Variants in CFAP61 observed in about 807,000 individuals in gnomAD.
CFAP61 encodes cilia and flagella associated protein 61, also known as cilia- and flagella-associated protein 61.
In CFAP61, 107 loss-of-function variants were observed where a neutral mutation model predicts 135.6. The ratio of observed to expected loss-of-function variants is 0.79; its 90% confidence interval spans 0.67 to 0.93. The LOEUF (loss-of-function observed/expected upper bound fraction) is 0.93. Among genes scored for constraint, CFAP61 ranks in the 40% least tolerant of loss-of-function variants. The pLI is 0.00. For missense variants in CFAP61, 1,507 were observed against 1,556.2 expected, an observed-to-expected ratio of 0.97 and a Z score of 0.53; for synonymous variants, 575 against 578.5, an observed-to-expected ratio of 0.99 and a Z score of 0.09.
At chr20:20,229,923 T>C (rs2049005723) in intron 18 of CFAP61, among the ~76,000 whole-genome samples, 1 of 152,232 alleles carries the variant, frequency 6.6e-6, no homozygotes, top group Non-Finnish European at 1.5e-5. Context: ...AGTGCTTTAC[T>C]TGTTCTGATG....
chr20:20,186,096 G>A (rs911611836), intron 13 of CFAP61, among the ~76,000 whole-genome samples: 1 of 152,178 alleles, frequency 6.6e-6, no homozygotes, highest in African/African-American at 2.4e-5. Flanking sequence ...TTACAGCATT[G>A]TGCAGTTACC....
chr20:20,156,950 G>A (rs1006298340), intron 9 of CFAP61, among the ~76,000 whole-genome samples: 3 of 152,150 alleles, frequency 2.0e-5, no homozygotes, highest in African/African-American at 7.2e-5. Context: ...TTTTCAGCAG[G>A]AATTTTTATA....
chr20:20,121,934 CT>C lies in CFAP61; in HGVS notation c.860-20911del, dbSNP rs545176887. Among the ~76,000 whole-genome samples, 425 of 141,802 alleles carry C rather than the reference CT, an allele frequency of 3.0e-3. 3 individuals are homozygous for C. The highest frequency in any genetic ancestry group is 0.023 in the South Asian group (103 of 4,404). The allele number at this position is 141,802 out of a possible 152,430, so 93.0% of individuals were successfully genotyped here. A position where few individuals can be genotyped will look rare whatever the true frequency, so the allele number is the denominator to read the frequency against. On this transcript the variant is annotated intron_variant, in intron 8 of 26. Transcript: ENST00000245957. ...GGTAGCATGTTTGAATTCATTGCTT[CT>C]TTTTTTTTTTTAACTTTTTAAAAAT...
intron 21 of CFAP61, among the ~76,000 whole-genome samples, chr20:20,269,162 C>T (rs75788623): frequency 5.0e-4 from 48 of 96,770 alleles, no homozygotes; most frequent in Middle Eastern, 6.2e-3. Flanking sequence ...CACACACACA[C>T]ACATACATAT....
intron 9 of CFAP61, among the ~76,000 whole-genome samples, chr20:20,150,899 T>G (rs2052353555): frequency 6.6e-6 from 1 of 152,146 alleles, no homozygotes; most frequent in Non-Finnish European, 1.5e-5. Context: ...CAAAAGAATC[T>G]GAACAGCAGC....
chr20:20,238,705 G>A (rs2049785451), intron 18 of CFAP61, among the ~76,000 whole-genome samples: 1 of 152,208 alleles, frequency 6.6e-6, no homozygotes, highest in African/African-American at 2.4e-5. Context: ...AATGGGCAAT[G>A]TGACCCTCTT....
chr20:20,271,989 C>T (rs547014234), intron 21 of CFAP61, among the ~76,000 whole-genome samples: 4 of 152,058 alleles, frequency 2.6e-5, no homozygotes, highest in South Asian at 2.1e-4. Flanking sequence ...TGTGATATTC[C>T]GGTAATGTGA....
At chr20:20,075,162 C>T (rs2045963178) in intron 4 of CFAP61, 27 bp from the exon 5 acceptor site, 3 of 1,609,404 alleles carry the variant, frequency 1.9e-6, no homozygotes, top group Middle Eastern at 3.3e-4. Context: ...GTTAGTAACA[C>T]TGCCCCACCC....
intron 19 of CFAP61, among the ~76,000 whole-genome samples, chr20:20,249,877 G>C (rs1211211925): frequency 1.3e-5 from 2 of 152,154 alleles, no homozygotes; most frequent in African/African-American, 4.8e-5. Context: ...ATCTGGAGCA[G>C]ATAAAAAACA....
chr20:20,082,882 C>T (rs549435348), intron 6 of CFAP61, among the ~76,000 whole-genome samples: 21 of 152,246 alleles, frequency 1.4e-4, no homozygotes, highest in South Asian at 1.0e-3. Context: ...AACACTTTTA[C>T]GCTGCTGGTG....
chr20:20,329,190 C>G (rs1291633825), intron 25 of CFAP61, among the ~76,000 whole-genome samples: 2 of 152,064 alleles, frequency 1.3e-5, no homozygotes, highest in East Asian at 3.9e-4. Flanking sequence ...TGCCATCAAC[C>G]GTCTTGTCAT....
chr20:20,333,135 T>C (rs2058060174), intron 25 of CFAP61, among the ~76,000 whole-genome samples: 1 of 152,206 alleles, frequency 6.6e-6, no homozygotes. Flanking sequence ...TATTTTAGTT[T>C]CTAATTCACA....
Position 20,071,001 on chromosome 20 carries a change from C to T in CFAP61, c.291C>T (p.Cys97=), listed in dbSNP as rs946814971. ...GGGAGCTCGACAGTGACATCCCATG[C>T]ACAGTAAGAAATCACATACAGTGCT... ...VFRELDSDIP[C]TPLNTLFMHL... Residue 97 remains cysteine, a synonymous_variant, in exon 3 of 27, where the codon TGC becomes TGT. Transcript: ENST00000245957. The T allele has an allele frequency of 2.5e-6, 4 of 1,613,290 alleles. No homozygotes were observed. Among genetic ancestry groups the T allele is most frequent in the Non-Finnish European group, 3.4e-6 (4 of 1,179,634 alleles).
intron 25 of CFAP61, among the ~76,000 whole-genome samples, chr20:20,338,578 C>T (rs968165478): frequency 1.3e-5 from 2 of 152,250 alleles, no homozygotes; most frequent in Admixed American, 6.5e-5. Flanking sequence ...GACCTGCAGT[C>T]GCAGCACTCC....
chr20:20,300,941 A>G (rs1247920463), intron 25 of CFAP61, among the ~76,000 whole-genome samples: 16 of 152,186 alleles, frequency 1.1e-4, no homozygotes. Flanking sequence ...TTATTATTAC[A>G]AAAGAGTCAA....
rs1252910295 is a variant in CFAP61 at position 20,277,328 on chromosome 20, C to G, written c.2666C>G (p.Ala889Gly). The G allele has an allele frequency of 1.2e-6, 2 of 1,614,168 alleles. No individual in the cohort carries two copies. Among genetic ancestry groups the G allele is most frequent in the Admixed American group, 3.3e-5 (2 of 60,032 alleles). Residue 889 changes from alanine to glycine, a missense_variant, in exon 22 of 27, where the codon GCG (alanine) becomes GGG (glycine). Transcript: ENST00000245957. ...NYSVESAVAD[A>G]LGAAGVTMYR... ...TCGGTGGAGAGCGCCGTGGCGGACGCGCTAGGAGCCGCCGGAGTCACTATG... is the reference window on the plus strand; with the variant it reads ...TCGGTGGAGAGCGCCGTGGCGGACGGGCTAGGAGCCGCCGGAGTCACTATG...
rs113700008 is a variant in CFAP61 at position 20,222,200 on chromosome 20, A to C, written c.1933-6049A>C. On this transcript the variant is annotated intron_variant, in intron 17 of 26. Coordinates refer to ENST00000245957, the MANE Select transcript of CFAP61 (RefSeq NM_015585.4). ...AAATGTTTAAGAATGGCCACAAGTG[A>C]ATGTCATAGGGTGGCAATAATTTTA... Among the ~76,000 whole-genome samples the C allele has an allele frequency of 9.0e-3, 1,368 of 152,354 alleles. 22 individuals are homozygous for C. Among genetic ancestry groups the C allele is most frequent in the African/African-American group, 0.031 (1,299 of 41,580 alleles).
chr20:20,253,912 A>T lies in CFAP61; in HGVS notation c.2328+2149A>T, dbSNP rs111304644. On this transcript the variant is annotated intron_variant, in intron 20 of 26. Transcript: ENST00000245957. The stretch of plus-strand genomic sequence containing the variant: ...GGCCAGTGCTGCCAGTGAATGAACA[A>T]CCCTTTCAGTAGCTTGGATCAACCT... The T allele has an allele frequency of 5.7e-3, 885 of 154,252 alleles. 9 individuals carry two copies. Among genetic ancestry groups the T allele is most frequent in the African/African-American group, 0.021 (823 of 39,376 alleles). The allele number at this position is 154,252 out of a possible 1,614,324, so 9.6% of individuals were successfully genotyped here. A position where few individuals can be genotyped will look rare whatever the true frequency, so the allele number is the denominator to read the frequency against.
At chr20:20,161,157 G>C (rs2053366979) in intron 10 of CFAP61, among the ~76,000 whole-genome samples, 1 of 152,134 alleles carries the variant, frequency 6.6e-6, no homozygotes, top group Non-Finnish European at 1.5e-5. Flanking sequence ...CTGTGCCCTA[G>C]GGAGGAAAGT....
Sources: allele counts gnomAD v4.1 joint callset (sites outside exome capture counted in the v4.1 genomes callset), GRCh38; gene constraint gnomAD v4.1.1; transcripts MANE v1.5; gene names NCBI Gene and HGNC (gene_info 2026-07-23, HGNC 2026-07-21).